Variants in SMAD3 observed in about 807,000 individuals in gnomAD.
The protein encoded by SMAD3 is SMAD family member 3, also known as MAD homolog 3.
In SMAD3, 12 loss-of-function variants were observed where a neutral mutation model predicts 51.8. That is an observed-to-expected ratio of 0.23 (90% CI 0.15 to 0.38). The LOEUF (loss-of-function observed/expected upper bound fraction) is 0.38, where lower values mean the gene tolerates loss of function less well. Ranked by LOEUF, SMAD3 falls within the 10% of genes least tolerant of loss-of-function variation. SMAD3 has a pLI of 1.00. For missense variants in SMAD3, 294 were observed against 565.6 expected, an observed-to-expected ratio of 0.52 and a Z score of 4.87; for synonymous variants, 238 against 227.7, an observed-to-expected ratio of 1.05 and a Z score of -0.41.
chr15:67,181,586 G>A, intron 6 of SMAD3, 133 bp downstream of exon 6: 2 of 784,778 alleles, frequency 2.5e-6, no homozygotes, highest in South Asian at 1.5e-5. Flanking sequence ...GCCTCCTGCT[G>A]GGCATGGGGG....
At chr15:67,086,917 C>T (rs1457053177) in intron 1 of SMAD3, among the ~76,000 whole-genome samples, 2 of 147,276 alleles carry the variant, frequency 1.4e-5, no homozygotes, top group Non-Finnish European at 3.0e-5. Context: ...TTTTCTGAGA[C>T]GGAGTTTCGC....
At chr15:67,133,299 C>T (rs1961572932) in intron 1 of SMAD3, among the ~76,000 whole-genome samples, 1 of 152,190 alleles carries the variant, frequency 6.6e-6, no homozygotes, top group Non-Finnish European at 1.5e-5. Context: ...AAAACCATGT[C>T]CCATTTGTCC....
At chr15:67,166,886 A>C in intron 4 of SMAD3, 33 bp downstream of exon 4, 1 of 1,520,912 alleles carries the variant, frequency 6.6e-7, no homozygotes, top group Non-Finnish European at 9.0e-7. Context: ...CTTATTCTTA[A>C]CTGATTAGCA....
chr15:67,092,516 C>A lies in SMAD3; in HGVS notation c.206+26156C>A, dbSNP rs997839144. Among the ~76,000 whole-genome samples, 5 of 152,270 alleles carry A rather than the reference C, an allele frequency of 3.3e-5. No homozygotes were observed. The South Asian group carries it at 1.0e-3, about 32-fold the overall frequency. Reference sequence around the variant, plus strand: ...CCCCCAGGCCTCTTGGATCAGAAACCCTGAGGGCGGTCCCAGCAGTCTGAA... The same window carrying A: ...CCCCCAGGCCTCTTGGATCAGAAACACTGAGGGCGGTCCCAGCAGTCTGAA... On this transcript the variant is annotated intron_variant, in intron 1 of 8. Transcript: ENST00000327367.
At position 67,066,374 on chromosome 15, in the gene SMAD3, CG is replaced by C. The variant is rs777133644; in HGVS notation, c.206+21del. The stretch of plus-strand genomic sequence containing the variant: ...CACCATCCCCAGGTGGGGGCCCGCC[CG>C]GGGGGGACCCGGGGTCACGCCGGCC... On this transcript the variant is annotated intron_variant, in intron 1 of 8. Coordinates refer to ENST00000327367, the MANE Select transcript of SMAD3 (RefSeq NM_005902.4). 1.4e-5 allele frequency: 22 copies of C among 1,606,704 alleles called. No homozygotes were observed. Among genetic ancestry groups the C allele is most frequent in the Non-Finnish European group, 1.7e-5 (20 of 1,175,766 alleles).
chr15:67,121,062 G>A (rs1961248746), intron 1 of SMAD3, among the ~76,000 whole-genome samples: 1 of 152,132 alleles, frequency 6.6e-6, no homozygotes, highest in South Asian at 2.1e-4. Flanking sequence ...TTTCAGGCAG[G>A]GCATGATTGT....
In SMAD3 at chr15:67,181,467, C is replaced by CCAT; in HGVS notation, c.871+15_871+17dup. 6.3e-7 allele frequency: 1 copy of CCAT among 1,578,746 alleles called. No homozygotes were observed. The highest frequency in any genetic ancestry group is 1.4e-5 in the African/African-American group (1 of 73,534). ...GGAGACACATCGGTATGGGGTGGCT[C>CCAT]CATTCCCCGCCCCCCCACCCTGCCC... On this transcript the variant is annotated intron_variant, in intron 6 of 8. Coordinates refer to ENST00000327367, the MANE Select transcript of SMAD3 (RefSeq NM_005902.4).
rs74687525 is a variant in SMAD3, at chr15:67,103,724, C to G, written c.206+37364C>G. 5.9e-5 allele frequency among the ~76,000 whole-genome samples: 9 copies of G among 152,250 alleles called. No individual in the cohort carries two copies. In the South Asian group the frequency reaches 6.2e-4, roughly 11 times the overall value. ...CGGTTTTCCTAAGCACATAGCACAA[C>G]AAGGAGCTGGAACAGAGCTGCAACA... On this transcript the variant is annotated intron_variant, in intron 1 of 8. Coordinates refer to ENST00000327367, the MANE Select transcript of SMAD3 (RefSeq NM_005902.4).
At chr15:67,178,484 CAGCTTTATTGT>C (rs1490119769) in intron 5 of SMAD3, among the ~76,000 whole-genome samples, 6 of 152,130 alleles carry the variant, frequency 3.9e-5, no homozygotes, top group Non-Finnish European at 7.3e-5. Flanking sequence ...TCTAGGTGGT[CAGCTTTATTGT>C]AGCTTTATTG....
At chr15:67,175,761 G>A (rs974590938) in intron 5 of SMAD3, among the ~76,000 whole-genome samples, 2 of 152,210 alleles carry the variant, frequency 1.3e-5, no homozygotes, top group African/African-American at 2.4e-5. Context: ...CAGGTGTGGT[G>A]GCAGGGCGGC....
intron 1 of SMAD3, among the ~76,000 whole-genome samples, chr15:67,116,767 G>C (rs1961144480): frequency 6.6e-6 from 1 of 152,176 alleles, no homozygotes; most frequent in African/African-American, 2.4e-5. Context: ...CCTTGGTGAT[G>C]GGGGTATCTG....
chr15:67,183,027 ATATATT>A (rs1963123558), intron 6 of SMAD3, among the ~76,000 whole-genome samples: 3 of 63,852 alleles, frequency 4.7e-5, no homozygotes, highest in Admixed American at 2.4e-4. Flanking sequence ...ATATATATAT[ATATATT>A]TTTTTTTTTT....
intron 1 of SMAD3, among the ~76,000 whole-genome samples, chr15:67,107,184 G>T (rs1960897833): frequency 6.6e-6 from 1 of 152,088 alleles, no homozygotes; most frequent in Admixed American, 6.5e-5. Flanking sequence ...AATGAGTCAT[G>T]CTTTAACTGA....
rs1283794057 is a variant in SMAD3, at chr15:67,194,071, G to C, written c.*3535G>C. On this transcript the variant is annotated 3_prime_UTR_variant, in exon 9 of 9. Transcript: ENST00000327367. ...GGACTGTTCACCAAGGGGGATACCAGCAGCAAGAGAGTGCACCCGTTTAGC... is the reference window on the plus strand; with the variant it reads ...GGACTGTTCACCAAGGGGGATACCACCAGCAAGAGAGTGCACCCGTTTAGC... 2 of 233,218 alleles carry C rather than the reference G, an allele frequency of 8.6e-6. No homozygotes were observed. The highest frequency in any genetic ancestry group is 1.7e-5 in the Non-Finnish European group (2 of 118,006). 14.4% of individuals were successfully genotyped at this position (233,218 alleles called of 1,614,324 possible).
At chr15:67,108,577 G>A (rs913587811) in intron 1 of SMAD3, among the ~76,000 whole-genome samples, 18 of 152,172 alleles carry the variant, frequency 1.2e-4, no homozygotes, top group Non-Finnish European at 1.3e-4. Flanking sequence ...CACACACCAC[G>A]ATATGTTGAA....
chr15:67,113,474 A>G (rs1022567641), intron 1 of SMAD3, among the ~76,000 whole-genome samples: 2 of 152,200 alleles, frequency 1.3e-5, no homozygotes, highest in South Asian at 2.1e-4. Context: ...AATAGTAAAT[A>G]CAAGTAAAGA....
chr15:67,142,861 C>G, intron 1 of SMAD3: 1 of 454,936 alleles, frequency 2.2e-6, no homozygotes, highest in Non-Finnish European at 4.4e-6. Flanking sequence ...AGCTGGAACA[C>G]AGGGACATGA....
chr15:67,179,471 T>C (rs2140311860), intron 5 of SMAD3, among the ~76,000 whole-genome samples: 1 of 152,004 alleles, frequency 6.6e-6, no homozygotes, highest in East Asian at 1.9e-4. Flanking sequence ...TCAGTAGTGC[T>C]GAAGTTGAAA....
chr15:67,124,484 G>A (rs1224732984), intron 1 of SMAD3, among the ~76,000 whole-genome samples: 1 of 152,148 alleles, frequency 6.6e-6, no homozygotes, highest in Non-Finnish European at 1.5e-5. Context: ...AGAGAAGATG[G>A]ACTTGTTGAG....
Sources: gnomAD v4.1 joint callset for allele counts (sites outside exome capture counted in the v4.1 genomes callset) on GRCh38, gnomAD v4.1.1 for gene constraint, MANE v1.5 for transcripts, NCBI Gene and HGNC (gene_info 2026-07-23, HGNC 2026-07-21) for gene names.